MED13: variants seen among roughly 807,000 people sequenced by gnomAD.
The protein encoded by MED13 is mediator complex subunit 13, also known as mediator of RNA polymerase II transcription subunit 13.
In MED13, 23 loss-of-function variants were observed where a neutral mutation model predicts 225.2. The ratio of observed to expected loss-of-function variants is 0.10; its 90% CI spans 0.07 to 0.14. The LOEUF (loss-of-function observed/expected upper bound fraction) is 0.14. MED13 is among the 10% of genes least tolerant of loss of function. The probability of loss-of-function intolerance (pLI) is 1.00; values close to 1 mark genes in which losing one functional copy is unlikely to be tolerated. For synonymous variants in MED13, 942 were observed against 889.2 expected (o/e 1.06, Z -1.06); for missense variants, 2,197 against 2,594.5 (o/e 0.85, Z 3.33).
chr17:61,979,362 T>G (rs1028398741), intron 16 of MED13, among the ~76,000 whole-genome samples: 6 of 152,114 alleles, frequency 3.9e-5, no homozygotes, highest in Middle Eastern at 3.2e-3. Context: ...TAGGCTGGAG[T>G]GCAGTGGTAC....
chr17:62,037,468 C>T (rs2080813690), intron 3 of MED13, among the ~76,000 whole-genome samples: 1 of 151,280 alleles, frequency 6.6e-6, no homozygotes, highest in Admixed American at 6.6e-5. Context: ...AGTTTGAGAC[C>T]AGCCTGGCCA....
At chr17:62,064,202 G>T (rs547071794) in intron 1 of MED13, among the ~76,000 whole-genome samples, 1 of 152,300 alleles carries the variant, frequency 6.6e-6, no homozygotes, top group African/African-American at 2.4e-5. Context: ...AGGAGAAAAT[G>T]AAAAAGTAAA....
chr17:62,033,091 T>C (rs1313264124), intron 5 of MED13, among the ~76,000 whole-genome samples: 2 of 151,968 alleles, frequency 1.3e-5, no homozygotes, highest in African/African-American at 4.8e-5. Context: ...CGGAGGAGGT[T>C]GCAGTGAGCC....
Position 61,982,453 on chromosome 17 carries a change from A to C in MED13, c.3550T>G (p.Leu1184Val). Residue 1184 changes from leucine to valine, a missense_variant, in exon 16 of 30, where the codon TTA becomes GTA. Leu to Val is a conservative substitution (Grantham distance 32). Coordinates refer to ENST00000397786, the MANE Select transcript of MED13 (RefSeq NM_005121.3). The stretch of plus-strand genomic sequence containing the variant: ...AGCAATAATATCAAATCATCAGATA[A>C]TTTTTCAGATTCCTTTAGTCCTCCA... Reference protein sequence around the residue: ...VNGGLKESEKLSDDLILLLQD... With the variant: ...VNGGLKESEKVSDDLILLLQD... The C allele has an allele frequency of 6.2e-7, 1 of 1,614,218 alleles. No homozygotes were observed. The highest frequency in any genetic ancestry group is 8.5e-7 in the Non-Finnish European group (1 of 1,180,050).
In MED13 at chr17:61,972,835, G is replaced by A; in HGVS notation, c.3859C>T (p.Pro1287Ser). 6.2e-7 allele frequency: 1 copy of A among 1,613,828 alleles called. No individual in the cohort carries two copies. Among genetic ancestry groups the A allele is most frequent in the Non-Finnish European group, 8.5e-7 (1 of 1,179,914 alleles). ...TTCTGAATGGCATCCTGAAGAACTG[G>A]CTGAAGAGAGAGGAGCATTCGAAGT... ...DILRMLLSLQ[P>S]VLQDAIQKKR... The change falls in exon 17 of 30, where the codon CCA (proline) becomes TCA (serine). Residue 1287 changes from proline (P) to serine (S), a missense_variant. Physicochemically the swap from Pro to Ser is moderately conservative, Grantham distance 74. Transcript: ENST00000397786.
intron 23 of MED13, among the ~76,000 whole-genome samples, chr17:61,957,117 G>C (rs1300948351): frequency 6.6e-6 from 1 of 151,928 alleles, no homozygotes; most frequent in Admixed American, 6.6e-5. Context: ...CACAATCTCG[G>C]CTCACTGCAA....
chr17:61,973,176 TTC>T (rs1184735202), intron 16 of MED13, among the ~76,000 whole-genome samples: 3 of 152,214 alleles, frequency 2.0e-5, no homozygotes, highest in Non-Finnish European at 4.4e-5. Flanking sequence ...TCAAATAAAT[TTC>T]TTTCTTTTTG....
intron 22 of MED13, 27 bp from the exon 23 acceptor site, chr17:61,961,117 T>G (rs371591437): frequency 2.0e-6 from 3 of 1,489,118 alleles, no homozygotes; most frequent in Non-Finnish European, 2.8e-6. Context: ...TAAGGTATTA[T>G]CATACTATAC....
chr17:61,997,739 C>T (rs2080358257), intron 9 of MED13, among the ~76,000 whole-genome samples: 1 of 152,054 alleles, frequency 6.6e-6, no homozygotes, highest in Non-Finnish European at 1.5e-5. Context: ...AATCTCCCTT[C>T]CCCCAGCCTG....
At chr17:62,060,674 A>G (rs1314311939) in intron 2 of MED13, among the ~76,000 whole-genome samples, 1 of 150,738 alleles carries the variant, frequency 6.6e-6, no homozygotes, top group African/African-American at 2.4e-5. Flanking sequence ...ACCTCCCAAA[A>G]TTATTTTCAT....
chr17:61,994,510 T>C (rs957294779), intron 10 of MED13, among the ~76,000 whole-genome samples: 11 of 152,224 alleles, frequency 7.2e-5, no homozygotes, highest in African/African-American at 2.7e-4. Context: ...TATTGTATCT[T>C]TGAAAACTGG....
chr17:62,022,116 T>C (rs2080653566), intron 8 of MED13, among the ~76,000 whole-genome samples: 1 of 150,358 alleles, frequency 6.7e-6, no homozygotes, highest in Non-Finnish European at 1.5e-5. Context: ...TGCAGTGAGC[T>C]GAGATGGCAT....
intron 8 of MED13, among the ~76,000 whole-genome samples, chr17:62,022,950 T>C (rs1427748796): frequency 1.3e-5 from 2 of 151,660 alleles, no homozygotes; most frequent in Admixed American, 6.6e-5. Context: ...TTTGAGGCTA[T>C]AATGAGCCAT....
At position 61,982,636 on chromosome 17, in the gene MED13, T is replaced by C; in HGVS notation, c.3367A>G (p.Thr1123Ala). 1 of 1,614,206 alleles carries C rather than the reference T, an allele frequency of 6.2e-7. No individual in the cohort carries two copies. Among genetic ancestry groups the C allele is most frequent in the Non-Finnish European group, 8.5e-7 (1 of 1,180,050 alleles). ...DPTQEAQYRC[T>A]CGFSAVMNRK... ...TTCATGACAGCACTGAAGCCACAGG[T>C]ACACCTATATTGTGCTTCCTGCGTT... Residue 1123 changes from threonine (T) to alanine (A), a missense_variant, in exon 16 of 30, where the codon ACC becomes GCC. Thr to Ala is a moderately conservative substitution (Grantham distance 58, BLOSUM62 0). Around this residue, in one of 12 missense-constraint regions of MED13, gnomAD observed 4 missense variants for 17.0 expected, o/e 0.24. Transcript: ENST00000397786.
intron 8 of MED13, among the ~76,000 whole-genome samples, chr17:62,016,150 C>T (rs2080578063): frequency 1.5e-5 from 2 of 131,772 alleles, no homozygotes; most frequent in South Asian, 2.5e-4. Flanking sequence ...GAAATTTGTT[C>T]AAAAACACAA....
At position 61,995,211 on chromosome 17, in the gene MED13, G is replaced by C; in HGVS notation, c.2122C>G (p.Leu708Val). The change falls in exon 10 of 30, where the codon CTT (leucine) becomes GTT (valine). Residue 708 changes from leucine (L) to valine (V), a missense_variant. By Grantham distance (32) the Leu-to-Val change is conservative. Coordinates refer to ENST00000397786, the MANE Select transcript of MED13 (RefSeq NM_005121.3). ...TGTCTATCTTTTTTATCAGGAAAAA[G>C]GAATTCCTCATCTCCTTCAACAAAT... Reference protein sequence around the residue: ...YAFVEGDEEFLFPDKKDRQNS... With the variant: ...YAFVEGDEEFVFPDKKDRQNS... 6.2e-7 allele frequency: 1 copy of C among 1,613,650 alleles called. No individual in the cohort carries two copies. The highest frequency in any genetic ancestry group is 1.3e-5 in the African/African-American group (1 of 74,972).
chr17:62,020,012 G>A (rs2080623300), intron 8 of MED13, among the ~76,000 whole-genome samples: 1 of 152,010 alleles, frequency 6.6e-6, no homozygotes, highest in South Asian at 2.1e-4. Flanking sequence ...CCAAAGTGCT[G>A]GGATTACAGG....
At chr17:61,960,793 G>A (rs945940351) in intron 23 of MED13, 74 bp downstream of exon 23, 1 of 1,110,742 alleles carries the variant, frequency 9.0e-7, no homozygotes, top group African/African-American at 1.6e-5. Context: ...CTTCAAACTG[G>A]TTTTCTATTC....
chr17:62,056,896 T>C (rs1216291857), intron 2 of MED13, among the ~76,000 whole-genome samples: 2 of 152,246 alleles, frequency 1.3e-5, no homozygotes, highest in Admixed American at 6.5e-5. Context: ...GAAATTTTTA[T>C]GGACTATTTA....
Sources: gnomAD v4.1 joint callset for allele counts (sites outside exome capture counted in the v4.1 genomes callset) on GRCh38, gnomAD v4.1.1 for gene constraint, gnomAD v4.1.1 regional missense constraint, MANE v1.5 for transcripts, NCBI Gene and HGNC (gene_info 2026-07-23, HGNC 2026-07-21) for gene names.